The following ARHGAP40 variants were observed in gnomAD, a reference collection of about 807,000 sequenced individuals.
ARHGAP40 encodes the protein Rho GTPase activating protein 40, also known as rho GTPase-activating protein 40.
ARHGAP40 carries 43 observed loss-of-function variants against 73.5 expected under a neutral mutation model. That is an observed-to-expected ratio of 0.58 (90% CI 0.46 to 0.75). The LOEUF (loss-of-function observed/expected upper bound fraction) is 0.75, where lower values mean the gene tolerates loss of function less well. Among genes scored for constraint, ARHGAP40 ranks in the 30% least tolerant of loss-of-function variants. The probability of loss-of-function intolerance (pLI) is 0.00; values close to 1 mark genes in which losing one functional copy is unlikely to be tolerated. For synonymous variants in ARHGAP40, 300 were observed against 352.8 expected, an observed-to-expected ratio of 0.85 and a Z score of 1.68; for missense variants, 734 against 861.8, an observed-to-expected ratio of 0.85 and a Z score of 1.86.
rs754520132 is a variant in ARHGAP40 at position 38,646,094 on chromosome 20, C to G, written c.1617C>G (p.Ser539Arg). 2 of 1,304,252 alleles carry G rather than the reference C, an allele frequency of 1.5e-6. No individual in the cohort carries two copies. 80.8% of individuals were successfully genotyped at this position (1,304,252 alleles called of 1,614,324 possible). The change falls in exon 12 of 15, where the codon AGC becomes AGG. Residue 539 changes from serine (S) to arginine (R), a missense_variant. Transcript: ENST00000373345. The surrounding 1 kb of genome is among the most constrained non-coding windows in gnomAD (Gnocchi z 4.5). ...AGGTGCGAAAACTGAACGACAGTAG[C>G]AGCAGGCGCCCCCAGCTCTGCGACG...
At chr20:38,603,523 A>T (rs898208881) in intron 1 of ARHGAP40, among the ~76,000 whole-genome samples, 3 of 148,814 alleles carry the variant, frequency 2.0e-5, no homozygotes, top group Non-Finnish European at 4.4e-5. Context: ...CTATCCATCT[A>T]TCTATTCATC....
chr20:38,635,703 C>G (rs1039781238), intron 6 of ARHGAP40, among the ~76,000 whole-genome samples: 7 of 151,722 alleles, frequency 4.6e-5, no homozygotes, highest in African/African-American at 1.7e-4. Flanking sequence ...TTTCATAATT[C>G]CATTATATAT....
At chr20:38,614,633 C>T (rs977581428) in intron 1 of ARHGAP40, among the ~76,000 whole-genome samples, 7 of 152,142 alleles carry the variant, frequency 4.6e-5, no homozygotes, top group African/African-American at 1.4e-4. Context: ...CTGCTAGGGA[C>T]AATAACTTAT....
At chr20:38,616,107 G>A (rs1329462090) in intron 1 of ARHGAP40, among the ~76,000 whole-genome samples, 1 of 152,146 alleles carries the variant, frequency 6.6e-6, no homozygotes. Context: ...TTGCATACCT[G>A]GGCTTGCCCA....
intron 10 of ARHGAP40, among the ~76,000 whole-genome samples, chr20:38,642,620 C>G (rs561229146): frequency 6.6e-6 from 1 of 151,272 alleles, no homozygotes; most frequent in East Asian, 2.0e-4. Flanking sequence ...CTCCCTCCCT[C>G]CCTCCTTCCC....
chr20:38,603,411 AT>A (rs2088749291), intron 1 of ARHGAP40, among the ~76,000 whole-genome samples: 1 of 35,116 alleles, frequency 2.8e-5, no homozygotes, highest in Non-Finnish European at 4.7e-5. Context: ...TTATCTGTCT[AT>A]CTATCTATCT....
chr20:38,647,900 G>A (rs1484523253), intron 13 of ARHGAP40, among the ~76,000 whole-genome samples: 4 of 152,228 alleles, frequency 2.6e-5, no homozygotes, highest in Non-Finnish European at 1.5e-5. Context: ...TGGGAGCGAG[G>A]TGAGGCTTCC....
intron 1 of ARHGAP40, among the ~76,000 whole-genome samples, chr20:38,611,320 G>A (rs1344137865): frequency 1.3e-5 from 2 of 151,914 alleles, no homozygotes; most frequent in South Asian, 2.1e-4. Context: ...GTTTCCCTGC[G>A]ATTCTCTTGG....
At chr20:38,628,096 C>T (rs917555986) in intron 3 of ARHGAP40, among the ~76,000 whole-genome samples, 9 of 152,196 alleles carry the variant, frequency 5.9e-5, no homozygotes, top group Non-Finnish European at 1.3e-4. Flanking sequence ...GTGTCCAGAG[C>T]AACAGCTCAG....
At chr20:38,602,600 T>A (rs2088741947) in intron 1 of ARHGAP40, among the ~76,000 whole-genome samples, 1 of 152,178 alleles carries the variant, frequency 6.6e-6, no homozygotes, top group Admixed American at 6.5e-5. Context: ...ACAATTTGAT[T>A]ATTATAGAAA....
chr20:38,629,685 T>C (rs1568608383), intron 5 of ARHGAP40, 35 bp downstream of exon 5: 2 of 1,300,978 alleles, frequency 1.5e-6, no homozygotes, highest in African/African-American at 1.5e-5. Context: ...GTTGGCTAGG[T>C]CCCCCTGTGC....
chr20:38,610,841 TTGTCACA>T (rs574061795), intron 1 of ARHGAP40, among the ~76,000 whole-genome samples: 1 of 152,196 alleles, frequency 6.6e-6, no homozygotes, highest in East Asian at 1.9e-4. Flanking sequence ...GGTTATCTTA[TTGTCACA>T]AAAAGTCTGT....
chr20:38,632,711 C>A (rs2088948778), intron 5 of ARHGAP40, among the ~76,000 whole-genome samples: 1 of 152,094 alleles, frequency 6.6e-6, no homozygotes, highest in Admixed American at 6.5e-5. Flanking sequence ...CATGGTGGCG[C>A]ACACCTGTAA....
At position 38,622,119 on chromosome 20, in the gene ARHGAP40, T is replaced by TA. The variant is rs200732575; in HGVS notation, c.138-1235dup. 2.0e-4 allele frequency among the ~76,000 whole-genome samples: 30 copies of TA among 152,088 alleles called. 1 individual carries two copies. The highest frequency in any genetic ancestry group is 1.4e-3 in the Admixed American group (21 of 15,274). ...AGCACATATATATATATTTTTTTTT[T>TA]AAAAAGGCAGCATGTGGATGACTTT... On this transcript the variant is annotated intron_variant, in intron 1 of 14. Transcript: ENST00000373345.
intron 14 of ARHGAP40, 54 bp downstream of exon 14, chr20:38,648,752 G>T: frequency 7.8e-7 from 1 of 1,283,188 alleles, no homozygotes; most frequent in Non-Finnish European, 1.0e-6. Flanking sequence ...GGAGTTCTTC[G>T]ACCTCAAAGG....
chr20:38,636,671 T>C (rs943485492), intron 6 of ARHGAP40, among the ~76,000 whole-genome samples: 4 of 152,342 alleles, frequency 2.6e-5, no homozygotes, highest in Admixed American at 6.5e-5. Flanking sequence ...TCTTTCCTAT[T>C]ATAAGACACA....
chr20:38,606,383 T>C (rs2088770809), intron 1 of ARHGAP40, among the ~76,000 whole-genome samples: 2 of 152,252 alleles, frequency 1.3e-5, no homozygotes, highest in Admixed American at 6.5e-5. Flanking sequence ...TTTAAAATTC[T>C]GAAACATATT....
intron 1 of ARHGAP40, among the ~76,000 whole-genome samples, chr20:38,614,153 C>T (rs1333999608): frequency 3.3e-5 from 5 of 152,124 alleles, no homozygotes; most frequent in East Asian, 1.9e-4. Flanking sequence ...GCACCATTTA[C>T]GTAGTCATCA....
At chr20:38,628,359 C>T (rs1276175964) in intron 3 of ARHGAP40, among the ~76,000 whole-genome samples, 3 of 151,464 alleles carry the variant, frequency 2.0e-5, no homozygotes, top group Non-Finnish European at 4.4e-5. Flanking sequence ...GGCTAGAGTG[C>T]AGTGGCGACA....
Sources: gnomAD v4.1 joint callset for allele counts (sites outside exome capture counted in the v4.1 genomes callset) on GRCh38, gnomAD v4.1.1 for gene constraint, Gnocchi (gnomAD v3.1) non-coding constraint, MANE v1.5 for transcripts, NCBI Gene and HGNC (gene_info 2026-07-23, HGNC 2026-07-21) for gene names.